NMNAT3: variants seen among roughly 807,000 people sequenced by gnomAD.
NMNAT3 encodes nicotinamide/nicotinic acid mononucleotide adenylyltransferase 3.
A neutral mutation model predicts 24.8 loss-of-function variants in NMNAT3; 21 were observed. That is an observed-to-expected ratio of 0.85 (90% CI 0.60 to 1.22). The LOEUF (loss-of-function observed/expected upper bound fraction) is 1.22, where lower values mean the gene tolerates loss of function less well. NMNAT3 is among the 50% of genes most tolerant of loss of function. NMNAT3 has a pLI of 0.00. For synonymous variants in NMNAT3, 136 were observed against 155.2 expected (o/e 0.88, Z 0.92); for missense variants, 387 against 436.6 (o/e 0.89, Z 1.01).
chr3:139,667,870 A>T (rs188121378), intron 1 of NMNAT3, among the ~76,000 whole-genome samples: 7 of 152,224 alleles, frequency 4.6e-5, no homozygotes, highest in African/African-American at 1.2e-4. Context: ...GTGCAAAAGG[A>T]AATAGTCTAG....
chr3:139,649,451 C>T (rs554808660), intron 1 of NMNAT3, among the ~76,000 whole-genome samples: 4 of 152,278 alleles, frequency 2.6e-5, no homozygotes, highest in African/African-American at 9.6e-5. Flanking sequence ...GAGGCAAGTG[C>T]GTCTTTTGTC....
At chr3:139,584,216 T>A (rs979628805) in intron 3 of NMNAT3, 1 of 153,616 alleles carries the variant, frequency 6.5e-6, no homozygotes, top group Non-Finnish European at 1.5e-5. Context: ...CCTTGAGAAC[T>A]TGTTTGGAGG....
chr3:139,606,341 C>A (rs2054943020), intron 3 of NMNAT3, among the ~76,000 whole-genome samples: 2 of 152,248 alleles, frequency 1.3e-5, no homozygotes, highest in South Asian at 4.1e-4. Context: ...GGTGTTTTCT[C>A]ATGATTAGAT....
At chr3:139,611,214 TC>T (rs1437696209) in intron 3 of NMNAT3, among the ~76,000 whole-genome samples, 1 of 152,126 alleles carries the variant, frequency 6.6e-6, no homozygotes, top group Non-Finnish European at 1.5e-5. Flanking sequence ...CTTTCTTTCT[TC>T]CATGCATAGT....
At position 139,561,052 on chromosome 3, in the gene NMNAT3, C is replaced by T. The variant is rs201686672; in HGVS notation, c.999G>A (p.Trp333Ter). The change falls in exon 7 of 7, where the codon TGG (tryptophan) becomes TGA (stop). Residue 333 changes from tryptophan (W) to a stop codon, truncating the protein, a stop_gained. Coordinates refer to ENST00000643695, the MANE Select transcript of NMNAT3 (RefSeq NM_001320510.2). LOFTEE classifies it low-confidence loss of function (END_TRUNC). ...CAGTGCTCTGGGTGCTTTTGCCTTT[C>T]CAGGTACTGCCCTTGGTGTAGAGGC... The T allele has an allele frequency of 1.8e-5, 29 of 1,613,760 alleles. No individual in the cohort carries two copies. In the African/African-American group the frequency reaches 3.6e-4, roughly 20 times the overall value.
intron 6 of NMNAT3, chr3:139,565,349 TTTC>T (rs1937014585): frequency 6.6e-6 from 1 of 152,200 alleles, no homozygotes; most frequent in African/African-American, 2.4e-5. Flanking sequence ...AAAACATAGT[TTTC>T]TTTTTTTAAA....
At chr3:139,574,132 G>A (rs541638675) in intron 5 of NMNAT3, among the ~76,000 whole-genome samples, 8 of 152,320 alleles carry the variant, frequency 5.3e-5, no homozygotes, top group African/African-American at 1.9e-4. Context: ...TGAAGCACTG[G>A]CACAGTGCAT....
At chr3:139,564,145 A>C (rs1936833282) in intron 6 of NMNAT3, among the ~76,000 whole-genome samples, 2 of 152,202 alleles carry the variant, frequency 1.3e-5, no homozygotes, top group Admixed American at 1.3e-4. Flanking sequence ...TTCAGCCATA[A>C]AATGGGGATA....
rs536065282 is a variant in NMNAT3 at position 139,587,230 on chromosome 3, G to A, written c.110-4022C>T. 2.0e-5 allele frequency among the ~76,000 whole-genome samples: 3 copies of A among 152,324 alleles called. No individual in the cohort carries two copies. The East Asian group carries it at 5.8e-4, about 29-fold the overall frequency. On this transcript the variant is annotated intron_variant, in intron 3 of 6. Transcript: ENST00000643695. ...CAGCAATTCTAAGTCTCCTTGAGAG[G>A]AATAGTGAAGGAGGCTGAGAATTAG...
rs190316445 is a variant in NMNAT3 at position 139,582,311 on chromosome 3, T to C, written c.391+616A>G. On this transcript the variant is annotated intron_variant, in intron 4 of 6. Transcript: ENST00000643695. ...GGGGTGTTTATAAAAGAGATGTCAT[T>C]CTTTATTAATATAAGAGAATATTCT... Among the ~76,000 whole-genome samples the C allele has an allele frequency of 4.5e-4, 69 of 151,864 alleles. No homozygotes were observed. In the East Asian group the frequency reaches 0.013, roughly 28 times the overall value.
At chr3:139,597,431 T>C (rs2054532742) in intron 3 of NMNAT3, among the ~76,000 whole-genome samples, 1 of 152,212 alleles carries the variant, frequency 6.6e-6, no homozygotes, top group African/African-American at 2.4e-5. Flanking sequence ...ATCTTTATGG[T>C]ATATTGTCCT....
intron 1 of NMNAT3, among the ~76,000 whole-genome samples, chr3:139,663,334 T>C (rs1410423145): frequency 1.3e-5 from 2 of 152,178 alleles, no homozygotes; most frequent in Non-Finnish European, 2.9e-5. Context: ...CTCCTTATTT[T>C]AGGGTCAGAT....
intron 1 of NMNAT3, among the ~76,000 whole-genome samples, chr3:139,651,235 C>G (rs1354813766): frequency 6.6e-6 from 1 of 152,094 alleles, no homozygotes; most frequent in Non-Finnish European, 1.5e-5. Context: ...AATACCCGCA[C>G]AGCATAAAAA....
At chr3:139,598,121 G>A (rs1376253114) in intron 3 of NMNAT3, among the ~76,000 whole-genome samples, 1 of 152,172 alleles carries the variant, frequency 6.6e-6, no homozygotes, top group Non-Finnish European at 1.5e-5. Context: ...CTTGTGCTTG[G>A]CAATCATCAC....
chr3:139,620,305 A>G (rs1295388529), intron 3 of NMNAT3, among the ~76,000 whole-genome samples: 1 of 151,758 alleles, frequency 6.6e-6, no homozygotes, highest in Non-Finnish European at 1.5e-5. Flanking sequence ...TGACATACGT[A>G]TATACCCCTG....
chr3:139,640,064 G>A (rs1023234649), intron 1 of NMNAT3, among the ~76,000 whole-genome samples: 2 of 152,222 alleles, frequency 1.3e-5, no homozygotes, highest in Non-Finnish European at 2.9e-5. Context: ...TCCCAGTGAG[G>A]TGGGACAGTG....
At chr3:139,572,056 T>G in intron 6 of NMNAT3, 1 of 398,830 alleles carries the variant, frequency 2.5e-6, no homozygotes, top group Non-Finnish European at 4.4e-6. Context: ...CAAGTCTCAG[T>G]GCAGGTGCCC....
intron 1 of NMNAT3, among the ~76,000 whole-genome samples, chr3:139,669,422 T>C (rs1244235826): frequency 7.6e-6 from 1 of 131,008 alleles, no homozygotes; most frequent in Non-Finnish European, 1.5e-5. Context: ...TTGAAGTGAG[T>C]GCCAAGATCA....
At chr3:139,583,268 A>G in intron 3 of NMNAT3, 1 of 1,228,538 alleles carries the variant, frequency 8.1e-7, no homozygotes, top group Non-Finnish European at 1.2e-6. Flanking sequence ...TTTTGCATGT[A>G]TAGCAGTACT....
Sources: allele counts gnomAD v4.1 joint callset (sites outside exome capture counted in the v4.1 genomes callset), GRCh38; gene constraint gnomAD v4.1.1; transcripts MANE v1.5; gene names NCBI Gene and HGNC (gene_info 2026-07-23, HGNC 2026-07-21).